Variants in RUNX2 observed in about 807,000 individuals in gnomAD.
RUNX2 encodes runt-related transcription factor 2.
A neutral mutation model predicts 51.7 loss-of-function variants in RUNX2; 10 were observed. The observed-to-expected ratio is 0.19, with a 90% CI of 0.12 to 0.33. RUNX2 has a LOEUF of 0.33. RUNX2 is among the 10% of genes least tolerant of loss of function. RUNX2 has a pLI of 1.00. For synonymous variants in RUNX2, 276 were observed against 273.6 expected, an observed-to-expected ratio of 1.01 and a Z score of -0.09; for missense variants, 562 against 691.3, an observed-to-expected ratio of 0.81 and a Z score of 2.10.
chr6:45,495,873 T>C (rs917502815), intron 6 of RUNX2, among the ~76,000 whole-genome samples: 1 of 152,212 alleles, frequency 6.6e-6, no homozygotes, highest in Non-Finnish European at 1.5e-5. Context: ...AGAACCTAAT[T>C]AAAGTGGTTT....
Position 45,546,766 on chromosome 6 carries a change from C to G in RUNX2, c.1088-61C>G, listed in dbSNP as rs2150453640. 2.2e-6 allele frequency: 3 copies of G among 1,351,012 alleles called. No individual in the cohort carries two copies. The East Asian group carries it at 6.9e-5, about 31-fold the overall frequency. The allele number at this position is 1,351,012 out of a possible 1,614,324, so 83.7% of individuals were successfully genotyped here. A position where few individuals can be genotyped will look rare whatever the true frequency, so the allele number is the denominator to read the frequency against. ...TCTCTTTTTTTTTCTTGTAACAATT[C>G]TATCATTATTTTAATTGATATTTAC... On this transcript the variant is annotated intron_variant, in intron 8 of 8. Transcript: ENST00000647337.
intron 2 of RUNX2, among the ~76,000 whole-genome samples, chr6:45,348,352 TCTC>T (rs1184815712): frequency 6.6e-6 from 1 of 151,684 alleles, no homozygotes; most frequent in African/African-American, 2.4e-5. Flanking sequence ...AGTTTTATCG[TCTC>T]CTCATTTTCT....
At position 45,547,384 on chromosome 6, in the gene RUNX2, A is replaced by G; in HGVS notation, c.*79A>G. On this transcript the variant is annotated 3_prime_UTR_variant, in exon 9 of 9. Transcript: ENST00000647337. ...ATATATACATATATAGAGAGAGTGC[A>G]TATATATGTATATCGATTAGCTATC... 1 of 1,100,660 alleles carries G rather than the reference A, an allele frequency of 9.1e-7. No individual in the cohort carries two copies. The highest frequency in any genetic ancestry group is 1.4e-6 in the Non-Finnish European group (1 of 721,656). The allele number at this position is 1,100,660 out of a possible 1,614,324, so 68.2% of individuals were successfully genotyped here.
chr6:45,447,463 T>C (rs558513804), intron 5 of RUNX2, among the ~76,000 whole-genome samples: 14 of 152,350 alleles, frequency 9.2e-5, no homozygotes, highest in African/African-American at 3.4e-4. Context: ...CCTACTCTAT[T>C]GGTTTGCAAG....
chr6:45,360,486 CTG>C (rs1794063099), intron 2 of RUNX2, among the ~76,000 whole-genome samples: 1 of 152,132 alleles, frequency 6.6e-6, no homozygotes, highest in South Asian at 2.1e-4. Flanking sequence ...TGAAGGAAGC[CTG>C]TGTTAGCTTA....
chr6:45,535,612 AAAAAG>A (rs1487840948), intron 7 of RUNX2, among the ~76,000 whole-genome samples: 1 of 152,170 alleles, frequency 6.6e-6, no homozygotes, highest in South Asian at 2.1e-4. Flanking sequence ...TCAAAAAAAA[AAAAAG>A]AAAGAAAAAG....
chr6:45,371,174 C>T (rs2150309519), intron 2 of RUNX2, among the ~76,000 whole-genome samples: 1 of 152,224 alleles, frequency 6.6e-6, no homozygotes, highest in South Asian at 2.1e-4. Context: ...ATAAGCAGCT[C>T]CCTTAAAAAT....
chr6:45,441,404 C>G (rs1159997400), intron 5 of RUNX2, among the ~76,000 whole-genome samples: 1 of 152,168 alleles, frequency 6.6e-6, no homozygotes, highest in African/African-American at 2.4e-5. Flanking sequence ...GGCAAGTTAC[C>G]TAACTTCTCT....
At chr6:45,487,526 C>T (rs1179246369) in intron 5 of RUNX2, among the ~76,000 whole-genome samples, 2 of 151,976 alleles carry the variant, frequency 1.3e-5, no homozygotes, top group East Asian at 3.9e-4. Context: ...AATGAATGTC[C>T]TTCAGTAAAA....
chr6:45,346,917 A>G (rs556959643), intron 2 of RUNX2, among the ~76,000 whole-genome samples: 1 of 152,296 alleles, frequency 6.6e-6, no homozygotes, highest in African/African-American at 2.4e-5. Context: ...AAGTGGATGG[A>G]CAAATAAACA....
intron 5 of RUNX2, among the ~76,000 whole-genome samples, chr6:45,484,808 A>G (rs1800219472): frequency 6.6e-6 from 1 of 152,242 alleles, no homozygotes; most frequent in East Asian, 1.9e-4. Context: ...ACACTCCTTC[A>G]TGTAGCACTT....
intron 2 of RUNX2, among the ~76,000 whole-genome samples, chr6:45,351,944 C>T (rs76850596): frequency 0.02 from 3,100 of 152,236 alleles, 43 homozygotes; most frequent in Non-Finnish European, 0.033. Context: ...AATTAGTATA[C>T]TCCTAATTAG....
chr6:45,535,561 G>T (rs139874450), intron 7 of RUNX2, among the ~76,000 whole-genome samples: 5 of 151,120 alleles, frequency 3.3e-5, no homozygotes, highest in Non-Finnish European at 7.4e-5. Context: ...CCGAGATTGC[G>T]CCACTGCACT....
intron 2 of RUNX2, chr6:45,421,418 T>C (rs1451917914): frequency 6.6e-6 from 1 of 152,202 alleles, no homozygotes; most frequent in Non-Finnish European, 1.5e-5. Context: ...CTCATTTTTT[T>C]TGTGTCACTT....
chr6:45,490,305 C>T lies in RUNX2; in HGVS notation c.686-1636C>T, dbSNP rs570777595. On this transcript the variant is annotated intron_variant, in intron 5 of 8. Transcript: ENST00000647337. The stretch of plus-strand genomic sequence containing the variant: ...TAACAATGAATTTCTCTAATTTTTC[C>T]TGTTCATTTTTCTCCTAGGTCTAGT... Among the ~76,000 whole-genome samples, 3 of 152,232 alleles carry T rather than the reference C, an allele frequency of 2.0e-5. No homozygotes were observed. The South Asian group carries it at 6.2e-4, about 32-fold the overall frequency.
intron 2 of RUNX2, among the ~76,000 whole-genome samples, chr6:45,339,138 T>G (rs1344450324): frequency 6.6e-6 from 1 of 152,132 alleles, no homozygotes; most frequent in South Asian, 2.1e-4. Flanking sequence ...GGCTAAGTAA[T>G]CTTATTACTT....
intron 2 of RUNX2, among the ~76,000 whole-genome samples, chr6:45,417,575 C>G (rs1439921287): frequency 6.6e-6 from 1 of 152,204 alleles, no homozygotes; most frequent in Admixed American, 6.5e-5. Context: ...AATATCTACT[C>G]TTTTCTGCTA....
intron 6 of RUNX2, among the ~76,000 whole-genome samples, chr6:45,506,089 T>C (rs1800958905): frequency 6.6e-6 from 1 of 152,206 alleles, no homozygotes; most frequent in Non-Finnish European, 1.5e-5. Context: ...AATGTGTTGT[T>C]GCAGATCTGA....
chr6:45,407,749 C>T (rs1015898604), intron 2 of RUNX2, among the ~76,000 whole-genome samples: 26 of 152,062 alleles, frequency 1.7e-4, no homozygotes, highest in African/African-American at 5.3e-4. Flanking sequence ...ATTCTCCTGC[C>T]ATGGCCTCCC....
Sources: gnomAD v4.1 joint callset for allele counts (sites outside exome capture counted in the v4.1 genomes callset) on GRCh38, gnomAD v4.1.1 for gene constraint, MANE v1.5 for transcripts, NCBI Gene and HGNC (gene_info 2026-07-23, HGNC 2026-07-21) for gene names.